Variants in CCT6A observed in about 807,000 individuals in gnomAD.
The protein encoded by CCT6A is T-complex protein 1 subunit zeta.
A neutral mutation model predicts 58.6 loss-of-function variants in CCT6A; 6 were observed. That is an observed-to-expected ratio of 0.10 (90% confidence interval 0.06 to 0.20). CCT6A has a LOEUF of 0.20. CCT6A is among the 10% of genes least tolerant of loss of function. The pLI, the probability that CCT6A is intolerant of heterozygous loss-of-function variation, is 1.00. For synonymous variants in CCT6A, 245 were observed against 227.8 expected, an observed-to-expected ratio of 1.08 and a Z score of -0.68; for missense variants, 516 against 648.8, an observed-to-expected ratio of 0.80 and a Z score of 2.22.
rs1469408011 is a variant in CCT6A, at chr7:56,059,565, G to T, written c.990G>T (p.Gly330=). Residue 330 remains glycine (G), a synonymous_variant, in exon 9 of 14, where the codon GGG becomes GGT. Transcript: ENST00000275603. ...TCAGGCTGACTCTTGCTTGTGGTGGGGTAGCCCTGAATTCTTTTGACGACC... is the reference window on the plus strand; with the variant it reads ...TCAGGCTGACTCTTGCTTGTGGTGGTGTAGCCCTGAATTCTTTTGACGACC... ...NMERLTLACG[G]VALNSFDDLS... The T allele has an allele frequency of 1.2e-6, 2 of 1,605,350 alleles. No homozygotes were observed. Among genetic ancestry groups the T allele is most frequent in the Non-Finnish European group, 1.7e-6 (2 of 1,172,162 alleles).
Position 56,055,674 on chromosome 7 carries a change from G to A in CCT6A, c.387G>A (p.Lys129=). ...ITEGFEAAKE[K]ALQFLEEVKV... ...AAGGATTTGAAGCTGCAAAGGAAAAGGCCCTTCAGTTTTTGGAAGAAGTCA... is the reference window on the plus strand; with the variant it reads ...AAGGATTTGAAGCTGCAAAGGAAAAAGCCCTTCAGTTTTTGGAAGAAGTCA... Residue 129 remains lysine, a synonymous_variant, in exon 4 of 14, where the codon AAG becomes AAA. Transcript: ENST00000275603. 1 of 1,613,814 alleles carries A rather than the reference G, an allele frequency of 6.2e-7. No individual in the cohort carries two copies. Among genetic ancestry groups the A allele is most frequent in the Non-Finnish European group, 8.5e-7 (1 of 1,179,758 alleles).
rs746493351 is a variant in CCT6A at position 56,051,854 on chromosome 7, G to A, written c.6G>A (p.Ala2=). 5 of 1,560,020 alleles carry A rather than the reference G, an allele frequency of 3.2e-6. No homozygotes were observed. The Admixed American group carries it at 5.7e-5, about 18-fold the overall frequency. Residue 2 remains alanine, a synonymous_variant, in exon 1 of 14, where the codon GCG becomes GCA. Transcript: ENST00000275603. ...TTTCCTCCGCTGGAGCAGCTATGGC[G>A]GCGGTGAAGACCCTGAACCCCAAGG... The part of the protein sequence containing the change: M[A]AVKTLNPKAE...
At chr7:56,054,958 T>C (rs1289735189) in intron 3 of CCT6A, among the ~76,000 whole-genome samples, 1 of 152,112 alleles carries the variant, frequency 6.6e-6, no homozygotes, top group Non-Finnish European at 1.5e-5. Context: ...ATGATGTGAG[T>C]TAGTTTGAGA....
chr7:56,053,637 C>A (rs1371853769), intron 2 of CCT6A, among the ~76,000 whole-genome samples: 1 of 152,002 alleles, frequency 6.6e-6, no homozygotes, highest in Non-Finnish European at 1.5e-5. Flanking sequence ...GCCTGTAGTC[C>A]CAGCTGCTTC....
Position 56,058,628 on chromosome 7 carries a change from C to A in CCT6A, c.894C>A (p.Asp298Glu). The change falls in exon 8 of 14, where the codon GAC (aspartate) becomes GAA (glutamate). Residue 298 changes from aspartate to glutamate, a missense_variant. By Grantham distance (45) the Asp-to-Glu change is conservative. Coordinates refer to ENST00000275603, the MANE Select transcript of CCT6A (RefSeq NM_001762.4). ...GFVVINQKGIDPFSLDALSKE... is the reference protein window; with the variant it reads ...GFVVINQKGIEPFSLDALSKE... ...TTTTATTTTTGTTACAGGGAATTGA[C>A]CCCTTTTCCTTAGATGCTCTTTCAA... 6.2e-7 allele frequency: 1 copy of A among 1,605,416 alleles called. No homozygotes were observed. The highest frequency in any genetic ancestry group is 8.5e-7 in the Non-Finnish European group (1 of 1,172,922).
intron 5 of CCT6A, among the ~76,000 whole-genome samples, chr7:56,057,459 C>T (rs1283059373): frequency 6.6e-6 from 1 of 152,036 alleles, no homozygotes; most frequent in African/African-American, 2.4e-5. Flanking sequence ...TCACTTCTGC[C>T]TCCGTAAGTG....
chr7:56,062,384 G>C (rs1466371606), intron 12 of CCT6A, among the ~76,000 whole-genome samples: 2 of 152,208 alleles, frequency 1.3e-5, no homozygotes. Flanking sequence ...TCTGGAATGA[G>C]GGAAATGATC....
chr7:56,057,902 G>A (rs774396505), intron 5 of CCT6A, 91 bp from the exon 6 acceptor site: 33 of 747,560 alleles, frequency 4.4e-5, no homozygotes, highest in Non-Finnish European at 7.1e-5. Context: ...ATGTGACTGC[G>A]TGAAATATCA....
At chr7:56,052,174 G>C (rs899608102) in intron 1 of CCT6A, among the ~76,000 whole-genome samples, 189 bp downstream of exon 1, 1 of 152,190 alleles carries the variant, frequency 6.6e-6, no homozygotes, top group Non-Finnish European at 1.5e-5. Flanking sequence ...CATCGATGCA[G>C]TCTCCGCGGA....
Position 56,061,802 on chromosome 7 carries a change from C to T in CCT6A, c.1403C>T (p.Ala468Val). The change falls in exon 12 of 14, where the codon GCA (alanine) becomes GTA (valine). Residue 468 changes from alanine to valine, a missense_variant. By Grantham distance (64) the Ala-to-Val change is moderately conservative. Around this residue, in one of 3 missense-constraint regions of CCT6A, gnomAD observed 315 missense variants for 389.4 expected, o/e 0.81. Transcript: ENST00000275603. ...DLQETLVKIQ[A>V]EHSESGQLVG... ...CAGGAAACATTAGTTAAAATTCAAGCAGAACATTCAGAATCAGGTCAGCTT... is the reference window on the plus strand; with the variant it reads ...CAGGAAACATTAGTTAAAATTCAAGTAGAACATTCAGAATCAGGTCAGCTT... 3.8e-6 allele frequency: 6 copies of T among 1,595,388 alleles called. No homozygotes were observed. The highest frequency in any genetic ancestry group is 5.1e-6 in the Non-Finnish European group (6 of 1,171,348).
At chr7:56,057,573 A>G (rs1252938207) in intron 5 of CCT6A, among the ~76,000 whole-genome samples, 1 of 152,194 alleles carries the variant, frequency 6.6e-6, no homozygotes, top group Non-Finnish European at 1.5e-5. Flanking sequence ...TGTACAGCGT[A>G]GGATCTTCAG....
At position 56,055,784 on chromosome 7, in the gene CCT6A, A is replaced by T. The variant is rs759552800; in HGVS notation, c.497A>T (p.Asp166Val). Reference sequence around the variant, plus strand: ...ACTAAAGTTCATGCTGAACTTGCAGATGTCTTAACAGAGGTATGTATTAAA... The same window carrying T: ...ACTAAAGTTCATGCTGAACTTGCAGTTGTCTTAACAGAGGTATGTATTAAA... ...LRTKVHAELADVLTEAVVDSI... is the reference protein window; with the variant it reads ...LRTKVHAELAVVLTEAVVDSI... Residue 166 changes from aspartate to valine, a missense_variant, in exon 4 of 14, where the codon GAT becomes GTT. Physicochemically the swap from Asp to Val is radical, Grantham distance 152. Coordinates refer to ENST00000275603, the MANE Select transcript of CCT6A (RefSeq NM_001762.4). The T allele has an allele frequency of 6.2e-7, 1 of 1,613,238 alleles. No homozygotes were observed. The highest frequency in any genetic ancestry group is 8.5e-7 in the Non-Finnish European group (1 of 1,179,308).
rs757763838 is a variant in CCT6A at position 56,063,073 on chromosome 7, T to C, written c.1584T>C (p.Ser528=). 6.2e-7 allele frequency: 1 copy of C among 1,607,162 alleles called. No individual in the cohort carries two copies. The highest frequency in any genetic ancestry group is 8.5e-7 in the Non-Finnish European group (1 of 1,173,686). The part of the protein sequence containing the change: ...VDEIMRAGMS[S]LKG ...AGATCATGCGAGCTGGAATGTCTTCTCTGAAAGGTTGAATTGAAGCTTCCT... is the reference window on the plus strand; with the variant it reads ...AGATCATGCGAGCTGGAATGTCTTCCCTGAAAGGTTGAATTGAAGCTTCCT... The change falls in exon 14 of 14, where the codon TCT becomes TCC. Residue 528 remains serine, a synonymous_variant. Transcript: ENST00000275603.
At chr7:56,059,453 T>A in intron 8 of CCT6A, 91 bp from the exon 9 acceptor site, 1 of 745,362 alleles carries the variant, frequency 1.3e-6, no homozygotes, top group Non-Finnish European at 2.4e-6. Context: ...TGTGTGTAAT[T>A]CTGAAAAATT....
rs546317437 is a variant in CCT6A, at chr7:56,057,975, TTG to T, written c.615-10_615-9del. Reference sequence around the variant, plus strand: ...CATCTGAAAATCAATAACCATAATTTTGTGTGTGTTTAAACAGCTTAATCAGA... The same window carrying T: ...CATCTGAAAATCAATAACCATAATTTTGTGTGTTTAAACAGCTTAATCAGA... On this transcript the variant is annotated splice_polypyrimidine_tract_variant and intron_variant, in intron 5 of 13. Coordinates refer to ENST00000275603, the MANE Select transcript of CCT6A (RefSeq NM_001762.4). 990 of 1,350,126 alleles carry T rather than the reference TTG, an allele frequency of 7.3e-4. 1 individual carries two copies. The highest frequency in any genetic ancestry group is 9.6e-4 in the Non-Finnish European group (902 of 941,294). The allele number at this position is 1,350,126 out of a possible 1,614,324, so 83.6% of individuals were successfully genotyped here.
At chr7:56,056,945 C>T (rs185423960) in intron 5 of CCT6A, among the ~76,000 whole-genome samples, 10 of 151,764 alleles carry the variant, frequency 6.6e-5, no homozygotes, top group African/African-American at 2.4e-4. Context: ...TACAGGCGCC[C>T]GCCACCATGC....
intron 3 of CCT6A, 139 bp from the exon 4 acceptor site, chr7:56,055,485 C>T: frequency 1.3e-6 from 1 of 755,884 alleles, no homozygotes; most frequent in East Asian, 2.5e-5. Flanking sequence ...TAAATGTATT[C>T]AGAAAGCCAG....
At position 56,059,715 on chromosome 7, in the gene CCT6A, G is replaced by T. The variant is rs117697809; in HGVS notation, c.1065+75G>T. ...TATTTTTGTTTGTTTGTTTGAGGTG[G>T]GGTCTCACTCCTGCCCGGGCTGGAG... On this transcript the variant is annotated intron_variant, in intron 9 of 13. Coordinates refer to ENST00000275603, the MANE Select transcript of CCT6A (RefSeq NM_001762.4). The T allele has an allele frequency of 2.0e-4, 157 of 769,048 alleles. No individual in the cohort carries two copies. The East Asian group carries it at 3.7e-3, about 18-fold the overall frequency. The allele number at this position is 769,048 out of a possible 1,614,324, so 47.6% of individuals were successfully genotyped here.
intron 2 of CCT6A, 37 bp downstream of exon 2, chr7:56,052,522 A>G: frequency 6.6e-7 from 1 of 1,524,828 alleles, no homozygotes; most frequent in Non-Finnish European, 9.1e-7. Flanking sequence ...AAAGGTCTTG[A>G]TTTTCCGTAG....
Sources: allele counts gnomAD v4.1 joint callset (sites outside exome capture counted in the v4.1 genomes callset), GRCh38; gene constraint gnomAD v4.1.1; regional missense constraint gnomAD v4.1.1; transcripts MANE v1.5; gene names NCBI Gene and HGNC (gene_info 2026-07-23, HGNC 2026-07-21).